Variants in ESPL1 observed in about 807,000 individuals in gnomAD.
ESPL1 encodes extra spindle pole bodies like 1, separase.
ESPL1 carries 50 observed loss-of-function variants against 217.2 expected under a neutral mutation model. The ratio of observed to expected loss-of-function variants is 0.23; its 90% CI spans 0.18 to 0.29. The LOEUF (loss-of-function observed/expected upper bound fraction) is 0.29, where lower values mean the gene tolerates loss of function less well. Ranked by LOEUF, ESPL1 falls within the 10% of genes least tolerant of loss-of-function variation. ESPL1 has a pLI of 1.00. For synonymous variants in ESPL1, 994 were observed against 1,081.3 expected, an observed-to-expected ratio of 0.92 and a Z score of 1.58; for missense variants, 1,834 against 2,603.0, an observed-to-expected ratio of 0.70 and a Z score of 6.43.
rs1200068934 is a variant in ESPL1, at chr12:53,282,420, C to T, written c.2776C>T (p.Gln926Ter). 1 of 1,614,056 alleles carries T rather than the reference C, an allele frequency of 6.2e-7. No homozygotes were observed. The change falls in exon 14 of 31, where the codon CAG (glutamine) becomes TAG (stop). Residue 926 changes from glutamine (Q) to a stop codon, truncating the protein, a stop_gained. Coordinates refer to ENST00000257934, the MANE Select transcript of ESPL1 (RefSeq NM_012291.5). LOFTEE classifies it high-confidence loss of function. This position sits in a 1 kb window ranked among gnomAD's most constrained non-coding sequence, Gnocchi z 4.0. ...SNNLSHSLWE[Q>*]LCAQGWQTPE... ...CAACCTCTCACACTCCCTGTGGGAG[C>T]AGCTCTGTGCCCAAGGTGAAAGAAT...
intron 6 of ESPL1, among the ~76,000 whole-genome samples, 186 bp from the exon 7 acceptor site, chr12:53,274,631 G>A (rs1198438905): frequency 6.6e-6 from 1 of 152,156 alleles, no homozygotes; most frequent in Non-Finnish European, 1.5e-5. Context: ...TGCAGCCTCT[G>A]AGTTGAAGGC....
intron 7 of ESPL1, 128 bp from the exon 8 acceptor site, chr12:53,276,492 A>T: frequency 9.2e-7 from 1 of 1,083,046 alleles, no homozygotes; most frequent in Non-Finnish European, 1.3e-6. Flanking sequence ...AATCTGATTT[A>T]AATTTTTAAA....
chr12:53,279,738 C>T lies in ESPL1; in HGVS notation c.2371C>T (p.Gln791Ter). 6.2e-7 allele frequency: 1 copy of T among 1,614,054 alleles called. No individual in the cohort carries two copies. The highest frequency in any genetic ancestry group is 8.5e-7 in the Non-Finnish European group (1 of 1,180,018). ...GGCTGCTTCTGCTGACCAGCCCATGCAGGCTCTGGAGGTCCTCCTGCTGCT... is the reference window on the plus strand; with the variant it reads ...GGCTGCTTCTGCTGACCAGCCCATGTAGGCTCTGGAGGTCCTCCTGCTGCT... ...ALYQLVAKPM[Q>*]ALEVLLLLRI... The change falls in exon 12 of 31, where the codon CAG becomes TAG. Residue 791 changes from glutamine (Q) to a stop codon, truncating the protein, a stop_gained. Transcript: ENST00000257934. LOFTEE classifies it high-confidence loss of function.
In ESPL1 at chr12:53,277,108, G is replaced by A; in HGVS notation, c.1966G>A (p.Ala656Thr). The change falls in exon 9 of 31, where the codon GCC becomes ACC. Residue 656 changes from alanine (A) to threonine (T), a missense_variant. Around this residue, in one of 5 missense-constraint regions of ESPL1, gnomAD observed 746 missense variants for 1,077.0 expected, o/e 0.69. Transcript: ENST00000257934. ...NCSALDAIREALQLLDSVRPE... is the reference protein window; with the variant it reads ...NCSALDAIRETLQLLDSVRPE... ...CTCTGCTCTGGATGCTATCCGGGAAGCCCTGCAGCTTCTGGACTCTGTGAG... is the reference window on the plus strand; with the variant it reads ...CTCTGCTCTGGATGCTATCCGGGAAACCCTGCAGCTTCTGGACTCTGTGAG... 1 of 1,614,096 alleles carries A rather than the reference G, an allele frequency of 6.2e-7. No individual in the cohort carries two copies. The highest frequency in any genetic ancestry group is 8.5e-7 in the Non-Finnish European group (1 of 1,179,944).
chr12:53,287,998 G>A lies in ESPL1; in HGVS notation c.4203G>A (p.Leu1401=). 1 of 1,609,322 alleles carries A rather than the reference G, an allele frequency of 6.2e-7. No homozygotes were observed. Among genetic ancestry groups the A allele is most frequent in the Non-Finnish European group, 8.5e-7 (1 of 1,177,898 alleles). The change falls in exon 19 of 31, where the codon TTG becomes TTA. Residue 1401 remains leucine (L), a synonymous_variant. Transcript: ENST00000257934. The part of the protein sequence containing the change: ...LKVNFSDDSD[L]EDPVSAEAWL... ...TGAACTTCAGTGATGACAGTGACTT[G>A]GAAGACCCTGTCTCAGCTGAGGCCT...
rs766133623 is a variant in ESPL1, at chr12:53,269,358, A to G, written c.416A>G (p.Asp139Gly). 6.2e-7 allele frequency: 1 copy of G among 1,614,096 alleles called. No individual in the cohort carries two copies. The highest frequency in any genetic ancestry group is 2.2e-5 in the East Asian group (1 of 44,874). Residue 139 changes from aspartate (D) to glycine (G), a missense_variant, in exon 3 of 31, where the codon GAC becomes GGC. Physicochemically the swap from Asp to Gly is moderately conservative, Grantham distance 94 (BLOSUM62 -1). Coordinates refer to ENST00000257934, the MANE Select transcript of ESPL1 (RefSeq NM_012291.5). This position sits in a 1 kb window ranked among gnomAD's most constrained non-coding sequence, Gnocchi z 6.7. ...TGCTCTCGCGAGGCTGCTCCCCAGG[A>G]CTATGAGGCCGTGGCTCGGGGCAGC... ...VQCSREAAPQ[D>G]YEAVARGSFS...
In ESPL1 at chr12:53,291,535, G is replaced by A. The variant is rs562821537; in HGVS notation, c.5521-155G>A. ...GAACCTGGGAGGTGGAGGTTGCAGT[G>A]AGCTGAGATTGCGCCACTGCACTCC... is the stretch of plus-strand genomic sequence containing the variant. On this transcript the variant is annotated intron_variant, in intron 25 of 30. Transcript: ENST00000257934. 2.0e-5 allele frequency among the ~76,000 whole-genome samples: 3 copies of A among 152,208 alleles called. No individual in the cohort carries two copies. The South Asian group carries it at 6.2e-4, about 32-fold the overall frequency.
chr12:53,286,171 C>T lies in ESPL1; in HGVS notation c.3435C>T (p.Thr1145=). The part of the protein sequence containing the change: ...PIPNFLSHSP[T]CDCSLCASPV... ...CCAACTTCCTGTCCCATTCACCCAC[C>T]TGTGACTGCTCGCTCTGCGCCAGCC... Residue 1145 remains threonine, a synonymous_variant, in exon 18 of 31, where the codon ACC becomes ACT. Transcript: ENST00000257934. This position sits in a 1 kb window ranked among gnomAD's most constrained non-coding sequence, Gnocchi z 5.3. 6.2e-7 allele frequency: 1 copy of T among 1,614,278 alleles called. No homozygotes were observed. Among genetic ancestry groups the T allele is most frequent in the Non-Finnish European group, 8.5e-7 (1 of 1,180,050 alleles).
At chr12:53,275,146 A>G in intron 7 of ESPL1, 136 bp downstream of exon 7, 1 of 643,516 alleles carries the variant, frequency 1.6e-6, no homozygotes, top group Non-Finnish European at 2.5e-6. Context: ...CTACAAATAC[A>G]AAAATTAGCT....
At chr12:53,287,111 C>T (rs532325925) in intron 18 of ESPL1, 199 bp downstream of exon 18, 22 of 490,620 alleles carry the variant, frequency 4.5e-5, no homozygotes, top group South Asian at 4.2e-4. Flanking sequence ...CTCGCTCTGT[C>T]GCCCAGGCTG....
chr12:53,278,122 A>C (rs572246310), intron 11 of ESPL1, among the ~76,000 whole-genome samples, 162 bp downstream of exon 11: 1 of 152,214 alleles, frequency 6.6e-6, no homozygotes, highest in Non-Finnish European at 1.5e-5. Flanking sequence ...AAGCTCCCTC[A>C]TTCATTAGTG....
In ESPL1 at chr12:53,269,276, G is replaced by A. The variant is rs747659735; in HGVS notation, c.334G>A (p.Gly112Arg). The A allele has an allele frequency of 1.2e-6, 2 of 1,614,218 alleles. No homozygotes were observed. Among genetic ancestry groups the A allele is most frequent in the Admixed American group, 3.3e-5 (2 of 60,030 alleles). ...FVLLRNAAAQ[G>R]SPEATLRLAQ... ...CTTACTGCGGAATGCTGCTGCACAAGGAAGCCCAGAGGCCACACTCCGCCT... is the reference window on the plus strand; with the variant it reads ...CTTACTGCGGAATGCTGCTGCACAAAGAAGCCCAGAGGCCACACTCCGCCT... Residue 112 changes from glycine (G) to arginine (R), a missense_variant, in exon 3 of 31, where the codon GGA becomes AGA. Coordinates refer to ENST00000257934, the MANE Select transcript of ESPL1 (RefSeq NM_012291.5). This position sits in a 1 kb window ranked among gnomAD's most constrained non-coding sequence, Gnocchi z 6.7.
intron 17 of ESPL1, among the ~76,000 whole-genome samples, chr12:53,285,544 T>TA (rs1004385305): frequency 1.3e-5 from 2 of 151,752 alleles, no homozygotes; most frequent in Admixed American, 1.3e-4. Flanking sequence ...CCGTCTCCAC[T>TA]AAAAAATACA....
At position 53,270,704 on chromosome 12, in the gene ESPL1, A is replaced by C. The variant is rs1943654549; in HGVS notation, c.1275A>C (p.Gln425His). Residue 425 changes from glutamine to histidine, a missense_variant, in exon 5 of 31, where the codon CAA becomes CAC. Physicochemically the swap from Gln to His is conservative, Grantham distance 24. Coordinates refer to ENST00000257934, the MANE Select transcript of ESPL1 (RefSeq NM_012291.5). ...CQIVDLADLT[Q>H]LVDSCKSTVV... ...TAGTTGATTTGGCTGACCTGACCCA[A>C]CTAGTGGACAGTTGTAAATCTACCG... is the stretch of plus-strand genomic sequence containing the variant. 1.2e-6 allele frequency: 2 copies of C among 1,614,126 alleles called. No homozygotes were observed. The highest frequency in any genetic ancestry group is 1.7e-6 in the Non-Finnish European group (2 of 1,180,014).
rs542182232 is a variant in ESPL1 at position 53,288,261 on chromosome 12, C to T, written c.4466C>T (p.Pro1489Leu). 31 of 1,608,072 alleles carry T rather than the reference C, an allele frequency of 1.9e-5. No homozygotes were observed. In the East Asian group the frequency reaches 6.0e-4, roughly 31 times the overall value. Residue 1489 changes from proline (P) to leucine (L), a missense_variant, in exon 19 of 31, where the codon CCT becomes CTT. By Grantham distance (98) the Pro-to-Leu change is moderately conservative (BLOSUM62 -3). Around this residue, in one of 5 missense-constraint regions of ESPL1, gnomAD observed 681 missense variants for 808.0 expected, o/e 0.84. Transcript: ENST00000257934. ...GGCCCTGAGATCATGAGGACCATCC[C>T]TGAGGAAGAACTGACTGACAACTGG... ...RPGPEIMRTI[P>L]EEELTDNWRK...
At position 53,290,417 on chromosome 12, in the gene ESPL1, C is replaced by T. The variant is rs747454662; in HGVS notation, c.5312C>T (p.Thr1771Ile). Reference protein sequence around the residue: ...QKAQKENSSCTDKREWWTGRL... With the variant: ...QKAQKENSSCIDKREWWTGRL... The stretch of plus-strand genomic sequence containing the variant: ...GCACAGAAAGAGAACAGCAGCTGTA[C>T]TGACAAGCGAGAATGGTGGACAGGG... Residue 1771 changes from threonine to isoleucine, a missense_variant, in exon 24 of 31, where the codon ACT becomes ATT. Thr to Ile is a moderately conservative substitution (Grantham distance 89). Transcript: ENST00000257934. 3.7e-6 allele frequency: 6 copies of T among 1,613,434 alleles called. No homozygotes were observed. The highest frequency in any genetic ancestry group is 2.2e-5 in the East Asian group (1 of 44,888).
chr12:53,283,269 G>A lies in ESPL1; in HGVS notation c.2920+12G>A, dbSNP rs1172072475. On this transcript the variant is annotated intron_variant, in intron 15 of 30. Coordinates refer to ENST00000257934, the MANE Select transcript of ESPL1 (RefSeq NM_012291.5). ...GTTTTTGGACTATGGTGAGTCTGGGGAGGACAGCAGGGCCCTCTTGGAATG... is the reference window on the plus strand; with the variant it reads ...GTTTTTGGACTATGGTGAGTCTGGGAAGGACAGCAGGGCCCTCTTGGAATG... The A allele has an allele frequency of 3.1e-6, 5 of 1,614,194 alleles. No homozygotes were observed. In the East Asian group the frequency reaches 1.1e-4, roughly 36 times the overall value.
Position 53,286,538 on chromosome 12 carries a change from C to G in ESPL1, c.3802C>G (p.Leu1268Val), listed in dbSNP as rs1943951566. 4.3e-6 allele frequency: 7 copies of G among 1,614,204 alleles called. No individual in the cohort carries two copies. In the East Asian group the frequency reaches 8.9e-5, roughly 21 times the overall value. ...IPHLEPWRAS[L>V]LLIWALTKLG... The stretch of plus-strand genomic sequence containing the variant: ...CCACCTAGAGCCCTGGCGAGCCAGC[C>G]TGCTCTTGATTTGGGCCCTCACAAA... The change falls in exon 18 of 31, where the codon CTG becomes GTG. Residue 1268 changes from leucine to valine, a missense_variant. By Grantham distance (32) the Leu-to-Val change is conservative. Around this residue, in one of 5 missense-constraint regions of ESPL1, gnomAD observed 681 missense variants for 808.0 expected, o/e 0.84. Coordinates refer to ENST00000257934, the MANE Select transcript of ESPL1 (RefSeq NM_012291.5). The surrounding 1 kb of genome is among the most constrained non-coding windows in gnomAD (Gnocchi z 5.3).
Position 53,277,971 on chromosome 12 carries a change from G to A in ESPL1, c.2364+11G>A, listed in dbSNP as rs1943799850. 1.9e-6 allele frequency: 3 copies of A among 1,611,496 alleles called. No individual in the cohort carries two copies. The highest frequency in any genetic ancestry group is 2.5e-6 in the Non-Finnish European group (3 of 1,179,218). On this transcript the variant is annotated intron_variant, in intron 11 of 30. Coordinates refer to ENST00000257934, the MANE Select transcript of ESPL1 (RefSeq NM_012291.5). ...CAGCTGGTGGCAAAGGTAATGGGGT[G>A]GGGCATTGAGGGGGACCCATATAAA... is the stretch of plus-strand genomic sequence containing the variant.
Sources: allele counts gnomAD v4.1 joint callset (sites outside exome capture counted in the v4.1 genomes callset), GRCh38; gene constraint gnomAD v4.1.1; regional missense constraint gnomAD v4.1.1; non-coding constraint Gnocchi (gnomAD v3.1); transcripts MANE v1.5; gene names NCBI Gene and HGNC (gene_info 2026-07-23, HGNC 2026-07-21).